The following PVT1 variants were observed in gnomAD, a reference collection of about 807,000 sequenced individuals.
PVT1 encodes Pvt1 oncogene.
intron 6 of PVT1, among the ~76,000 whole-genome samples, chr8:128,097,722 G>T (rs946977719): frequency 6.6e-6 from 1 of 152,172 alleles, no homozygotes; most frequent in African/African-American, 2.4e-5. Flanking sequence ...GTTTACCTGA[G>T]AATCTATTAA....
chr8:127,949,722 T>C (rs929871643), intron 3 of PVT1, among the ~76,000 whole-genome samples: 1 of 152,224 alleles, frequency 6.6e-6, no homozygotes, highest in Non-Finnish European at 1.5e-5. Context: ...GGGCCCTCAC[T>C]GCTCTAGAGT....
chr8:127,963,836 A>C (rs1286624273), intron 3 of PVT1, among the ~76,000 whole-genome samples: 1 of 151,876 alleles, frequency 6.6e-6, no homozygotes, highest in African/African-American at 2.4e-5. Context: ...GTGCCTTGGG[A>C]CCTGGTCCTG....
chr8:127,967,696 T>G (rs1816718899), intron 3 of PVT1, among the ~76,000 whole-genome samples: 1 of 152,248 alleles, frequency 6.6e-6, no homozygotes, highest in Non-Finnish European at 1.5e-5. Context: ...GTACCGCTCC[T>G]GCCACAAAGA....
At chr8:127,955,394 C>A (rs1816556331) in intron 3 of PVT1, among the ~76,000 whole-genome samples, 1 of 152,152 alleles carries the variant, frequency 6.6e-6, no homozygotes, top group Non-Finnish European at 1.5e-5. Flanking sequence ...CCCTAGCAGA[C>A]CAATATACCG....
intron 4 of PVT1, among the ~76,000 whole-genome samples, chr8:128,002,109 G>A (rs1370369360): frequency 6.6e-6 from 1 of 152,208 alleles, no homozygotes; most frequent in African/African-American, 2.4e-5. Context: ...GTTTCTGAGG[G>A]TGAAACTTGA....
At chr8:128,062,669 A>G (rs1032573015) in intron 4 of PVT1, among the ~76,000 whole-genome samples, 12 of 152,164 alleles carry the variant, frequency 7.9e-5, no homozygotes, top group Non-Finnish European at 1.3e-4. Context: ...TAAAAACACC[A>G]TTACTTGGGG....
chr8:128,081,966 A>G (rs1586511704), intron 5 of PVT1, among the ~76,000 whole-genome samples: 1 of 151,670 alleles, frequency 6.6e-6, no homozygotes, highest in African/African-American at 2.4e-5. Context: ...TGTATTGAAC[A>G]CCCCCCCTCA....
intron 2 of PVT1, among the ~76,000 whole-genome samples, chr8:127,796,386 A>T (rs1027910293): frequency 3.3e-5 from 5 of 151,910 alleles, no homozygotes; most frequent in African/African-American, 1.2e-4. Flanking sequence ...GTTCTGACAT[A>T]TCTGATCCCC....
chr8:127,987,802 A>G (rs1308565970), intron 3 of PVT1, among the ~76,000 whole-genome samples: 3 of 152,248 alleles, frequency 2.0e-5, no homozygotes, highest in African/African-American at 7.2e-5. Flanking sequence ...TCATTTTGAC[A>G]ATAAGGCTAA....
intron 2 of PVT1, among the ~76,000 whole-genome samples, chr8:127,879,004 G>A (rs1343576661): frequency 6.6e-6 from 1 of 152,234 alleles, no homozygotes; most frequent in Admixed American, 6.5e-5. Flanking sequence ...CATGGATGAC[G>A]TGAAGAAATT....
At chr8:128,011,890 GT>G (rs1817318265) in intron 4 of PVT1, among the ~76,000 whole-genome samples, 1 of 152,114 alleles carries the variant, frequency 6.6e-6, no homozygotes. Flanking sequence ...TCTGACAGTG[GT>G]TGGGATCTCA....
At chr8:127,899,488 A>G (rs1815732369) in intron 3 of PVT1, among the ~76,000 whole-genome samples, 1 of 152,154 alleles carries the variant, frequency 6.6e-6, no homozygotes, top group Admixed American at 6.5e-5. Flanking sequence ...CCGTCTCTCA[A>G]TGGGGTGACA....
chr8:127,808,350 T>G (rs1014556511), intron 2 of PVT1, among the ~76,000 whole-genome samples: 2 of 152,036 alleles, frequency 1.3e-5, no homozygotes, highest in Admixed American at 1.3e-4. Context: ...GTCCAGCCTG[T>G]TCTTTAAATT....
intron 4 of PVT1, among the ~76,000 whole-genome samples, chr8:128,019,515 C>T (rs538805874): frequency 2.6e-5 from 4 of 152,328 alleles, no homozygotes; most frequent in South Asian, 4.1e-4. Context: ...GCTTTAAAAA[C>T]GAGTTCGCAA....
intron 2 of PVT1, among the ~76,000 whole-genome samples, chr8:127,809,802 T>C (rs1343773988): frequency 6.6e-6 from 1 of 152,198 alleles, no homozygotes; most frequent in Non-Finnish European, 1.5e-5. Flanking sequence ...TTAGTCCCAC[T>C]TAGGTCATGA....
chr8:127,835,520 G>T (rs991308449), intron 2 of PVT1, among the ~76,000 whole-genome samples: 4 of 152,066 alleles, frequency 2.6e-5, no homozygotes, highest in Admixed American at 1.3e-4. Context: ...CCTAGAAGAT[G>T]GGTTGATGGG....
intron 2 of PVT1, among the ~76,000 whole-genome samples, chr8:127,882,947 TAAC>T (rs760234297): frequency 2.6e-5 from 4 of 151,994 alleles, no homozygotes; most frequent in African/African-American, 4.8e-5. Context: ...GTACTAAAAT[TAAC>T]AACATGACTG....
intron 3 of PVT1, among the ~76,000 whole-genome samples, chr8:127,927,991 C>A (rs1399124349): frequency 6.6e-6 from 1 of 152,232 alleles, no homozygotes; most frequent in African/African-American, 2.4e-5. Context: ...GGCTGCCTTG[C>A]CAAGCTGGTA....
intron 3 of PVT1, among the ~76,000 whole-genome samples, chr8:127,930,827 G>A (rs1163506962): frequency 1.3e-5 from 2 of 152,090 alleles, no homozygotes; most frequent in East Asian, 3.9e-4. Flanking sequence ...TGTGACCCTG[G>A]GAGTTTAATT....
Sources: allele counts gnomAD v4.1 joint callset (sites outside exome capture counted in the v4.1 genomes callset), GRCh38; gene constraint gnomAD v4.1.1; transcripts MANE v1.5; gene names NCBI Gene and HGNC (gene_info 2026-07-23, HGNC 2026-07-21).